The following ADAMTS12 variants were observed in gnomAD, a reference collection of about 807,000 sequenced individuals.
ADAMTS12 encodes ADAM metallopeptidase with thrombospondin type 1 motif 12.
A neutral mutation model predicts 167.8 loss-of-function variants in ADAMTS12; 118 were observed. That is an observed-to-expected ratio of 0.70 (90% CI 0.61 to 0.82). ADAMTS12 has a LOEUF of 0.82. Ranked by LOEUF, ADAMTS12 falls within the 40% of genes least tolerant of loss-of-function variation. The pLI is 0.00. For synonymous variants in ADAMTS12, 704 were observed against 716.9 expected (o/e 0.98, Z 0.29); for missense variants, 1,916 against 1,998.8 (o/e 0.96, Z 0.79).
intron 2 of ADAMTS12, among the ~76,000 whole-genome samples, chr5:33,793,156 G>A (rs1178920111): frequency 5.3e-5 from 8 of 152,334 alleles, no homozygotes; most frequent in Admixed American, 2.6e-4. Flanking sequence ...TATCTCCAGT[G>A]TGTTTCAGAT....
chr5:33,791,069 G>A (rs1443226961), intron 2 of ADAMTS12, among the ~76,000 whole-genome samples: 1 of 152,094 alleles, frequency 6.6e-6, no homozygotes, highest in East Asian at 1.9e-4. Flanking sequence ...CACTCCAGGA[G>A]ATGGAGGACA....
chr5:33,651,595 T>G (rs1017285192), intron 7 of ADAMTS12, among the ~76,000 whole-genome samples: 5 of 152,222 alleles, frequency 3.3e-5, no homozygotes, highest in African/African-American at 1.2e-4. Flanking sequence ...CTAATTAGAA[T>G]TATACAACTA....
At chr5:33,756,724 T>G (rs1020558801) in intron 2 of ADAMTS12, among the ~76,000 whole-genome samples, 2 of 152,172 alleles carry the variant, frequency 1.3e-5, no homozygotes, top group Non-Finnish European at 2.9e-5. Context: ...TAGTAACTCA[T>G]GTGGTTTCAG....
At position 33,565,095 on chromosome 5, in the gene ADAMTS12, G is replaced by A. The variant is rs147073916; in HGVS notation, c.3973-3916C>T. 2.1e-3 allele frequency among the ~76,000 whole-genome samples: 325 copies of A among 152,204 alleles called. 1 individual carries two copies. Among genetic ancestry groups the A allele is most frequent in the African/African-American group, 7.5e-3 (312 of 41,522 alleles). On this transcript the variant is annotated intron_variant, in intron 19 of 23. Coordinates refer to ENST00000504830, the MANE Select transcript of ADAMTS12 (RefSeq NM_030955.4). ...GGCAGAAATAAAAATCAGGGACAGT[G>A]AGGAACTCAAAACTCAGAGTTTTCA...
At chr5:33,535,026 C>A in intron 22 of ADAMTS12, 34 bp from the exon 23 acceptor site, 1 of 1,550,462 alleles carries the variant, frequency 6.4e-7, no homozygotes, top group Admixed American at 2.1e-5. Context: ...GTCAGAAGTC[C>A]TCCCCACGAC....
chr5:33,765,542 T>C (rs1007387320), intron 2 of ADAMTS12, among the ~76,000 whole-genome samples: 4 of 152,228 alleles, frequency 2.6e-5, no homozygotes, highest in Non-Finnish European at 4.4e-5. Flanking sequence ...AAAAGTAAAA[T>C]GTACCCTCCA....
chr5:33,592,132 G>A (rs527879473), intron 17 of ADAMTS12, among the ~76,000 whole-genome samples: 144 of 152,270 alleles, frequency 9.5e-4, no homozygotes, highest in Middle Eastern at 3.4e-3. Flanking sequence ...GGGAGGCTGA[G>A]GTAGGAGGAT....
At chr5:33,703,723 T>C (rs540824398) in intron 3 of ADAMTS12, among the ~76,000 whole-genome samples, 1 of 152,318 alleles carries the variant, frequency 6.6e-6, no homozygotes, top group East Asian at 1.9e-4. Context: ...CAAATGGCAG[T>C]GCTATCCTTT....
At chr5:33,776,232 T>C (rs1056402746) in intron 2 of ADAMTS12, among the ~76,000 whole-genome samples, 5 of 152,186 alleles carry the variant, frequency 3.3e-5, no homozygotes, top group Admixed American at 2.6e-4. Context: ...ACCTAACTGA[T>C]ACATACAGAA....
chr5:33,877,739 T>G lies in ADAMTS12; in HGVS notation c.489+3380A>C, dbSNP rs946454832. On this transcript the variant is annotated intron_variant, in intron 2 of 23. Transcript: ENST00000504830. ...GGGCTGGAACCATGCTAGAGTATAT[T>G]AAATGCAGGAAGAAGGTTGTCCCAC... is the stretch of plus-strand genomic sequence containing the variant. 1.1e-4 allele frequency among the ~76,000 whole-genome samples: 17 copies of G among 152,106 alleles called. 1 individual carries two copies. Among genetic ancestry groups the G allele is most frequent in the Admixed American group, 1.1e-3 (17 of 15,278 alleles).
chr5:33,638,865 T>C (rs1740314724), intron 11 of ADAMTS12, among the ~76,000 whole-genome samples: 1 of 152,208 alleles, frequency 6.6e-6, no homozygotes, highest in African/African-American at 2.4e-5. Context: ...CCAGCCTTCC[T>C]GTCAGGATCA....
rs754959361 is a variant in ADAMTS12 at position 33,549,196 on chromosome 5, G to C, written c.4302+11C>G. 18 of 1,610,674 alleles carry C rather than the reference G, an allele frequency of 1.1e-5. No homozygotes were observed. The highest frequency in any genetic ancestry group is 1.4e-5 in the Non-Finnish European group (17 of 1,177,308). ...TGTGTGAGGACATCTCTCCCTTTGT[G>C]GGGGACCTACCTGGCTCCAAGGCTC... On this transcript the variant is annotated intron_variant, in intron 21 of 23. Transcript: ENST00000504830.
chr5:33,720,960 CA>C (rs975436094), intron 3 of ADAMTS12, among the ~76,000 whole-genome samples: 1 of 152,072 alleles, frequency 6.6e-6, no homozygotes, highest in Non-Finnish European at 1.5e-5. Context: ...TTTTATAGCC[CA>C]AATGAAAAAT....
intron 2 of ADAMTS12, among the ~76,000 whole-genome samples, chr5:33,759,239 C>A (rs1383604162): frequency 6.6e-6 from 1 of 152,188 alleles, no homozygotes; most frequent in East Asian, 1.9e-4. Context: ...GAGCTGAAAC[C>A]TTCAACAGAC....
chr5:33,565,513 C>G (rs1745968867), intron 19 of ADAMTS12, among the ~76,000 whole-genome samples: 1 of 152,152 alleles, frequency 6.6e-6, no homozygotes, highest in Non-Finnish European at 1.5e-5. Context: ...GCACCAGGCC[C>G]TGTCATGAGG....
intron 3 of ADAMTS12, among the ~76,000 whole-genome samples, chr5:33,729,084 T>C (rs1744086407): frequency 6.6e-6 from 1 of 152,260 alleles, no homozygotes; most frequent in Admixed American, 6.5e-5. Flanking sequence ...GGTATGATGA[T>C]GACAGCATAC....
intron 2 of ADAMTS12, among the ~76,000 whole-genome samples, chr5:33,752,153 A>G (rs999711683): frequency 4.6e-5 from 7 of 152,214 alleles, no homozygotes; most frequent in Non-Finnish European, 7.3e-5. Context: ...TTTCACAGAT[A>G]TGAAAATCAG....
At chr5:33,843,275 T>C (rs1347225972) in intron 2 of ADAMTS12, among the ~76,000 whole-genome samples, 1 of 152,098 alleles carries the variant, frequency 6.6e-6, no homozygotes, top group East Asian at 1.9e-4. Flanking sequence ...GAGAAAAATG[T>C]CCGTGTTAAT....
chr5:33,537,824 G>C (rs1744493495), intron 22 of ADAMTS12, among the ~76,000 whole-genome samples: 1 of 152,230 alleles, frequency 6.6e-6, no homozygotes, highest in South Asian at 2.1e-4. Flanking sequence ...ATTACAAACA[G>C]TATAGCAACC....
Sources: allele counts gnomAD v4.1 joint callset (sites outside exome capture counted in the v4.1 genomes callset), GRCh38; gene constraint gnomAD v4.1.1; transcripts MANE v1.5; gene names NCBI Gene and HGNC (gene_info 2026-07-23, HGNC 2026-07-21).